The following SOS1 variants were observed in gnomAD, a reference collection of about 807,000 sequenced individuals.
The protein encoded by SOS1 is SOS Ras/Rac guanine nucleotide exchange factor 1, also known as son of sevenless homolog 1.
A neutral mutation model predicts 157.6 loss-of-function variants in SOS1; 25 were observed. That is an observed-to-expected ratio of 0.16 (90% CI 0.12 to 0.22). SOS1 has a LOEUF of 0.22. SOS1 is among the 10% of genes least tolerant of loss of function. The pLI is 1.00. For missense variants in SOS1, 1,237 were observed against 1,599.1 expected, an observed-to-expected ratio of 0.77 and a Z score of 3.86; for synonymous variants, 528 against 534.0, an observed-to-expected ratio of 0.99 and a Z score of 0.16.
chr2:39,119,824 A>G (rs2148241819), intron 1 of SOS1, among the ~76,000 whole-genome samples: 1 of 152,288 alleles, frequency 6.6e-6, no homozygotes, highest in East Asian at 1.9e-4. Flanking sequence ...AGCGGGGGAA[A>G]CCAGGAGAAT....
intron 2 of SOS1, among the ~76,000 whole-genome samples, chr2:39,064,431 G>A (rs995261639): frequency 9.2e-5 from 14 of 152,036 alleles, no homozygotes; most frequent in Non-Finnish European, 1.8e-4. Context: ...CTTTTATCAG[G>A]AAATAATTTT....
intron 2 of SOS1, among the ~76,000 whole-genome samples, chr2:39,064,274 T>G (rs180999721): frequency 1.3e-5 from 2 of 152,328 alleles, no homozygotes; most frequent in Admixed American, 1.3e-4. Flanking sequence ...CACATAGTTA[T>G]TTTTGTGGTG....
rs1320744145 is a variant in SOS1, at chr2:39,120,572, G to A, written c.-150C>T. The stretch of plus-strand genomic sequence containing the variant: ...GGCGCCGCGCAGCCGGGCTAGCCCT[G>A]GCGAGGGGGCTGGGGGGCGAGGCCC... On this transcript the variant is annotated 5_prime_UTR_variant, in exon 1 of 23. An upstream open reading frame in the 5' UTR gains an earlier in-frame stop. Coordinates refer to ENST00000402219, the MANE Select transcript of SOS1 (RefSeq NM_005633.4). The A allele has an allele frequency of 2.2e-6, 2 of 926,006 alleles. No individual in the cohort carries two copies. The highest frequency in any genetic ancestry group is 1.3e-6 in the Non-Finnish European group (1 of 765,542). The allele number at this position is 926,006 out of a possible 1,614,324, so 57.4% of individuals were successfully genotyped here. A position where few individuals can be genotyped will look rare whatever the true frequency, so the allele number is the denominator to read the frequency against.
At chr2:39,044,293 A>G (rs1470614535) in intron 6 of SOS1, among the ~76,000 whole-genome samples, 1 of 152,212 alleles carries the variant, frequency 6.6e-6, no homozygotes, top group Non-Finnish European at 1.5e-5. Flanking sequence ...CGGAGGTTGC[A>G]GTGAGCCAAG....
chr2:38,989,836 T>C (rs755794922), intron 20 of SOS1, among the ~76,000 whole-genome samples: 5 of 152,112 alleles, frequency 3.3e-5, no homozygotes, highest in African/African-American at 4.8e-5. Context: ...TTTTTCCTTT[T>C]ATAGTCATAA....
chr2:39,051,701 AT>A (rs979690772), intron 5 of SOS1, among the ~76,000 whole-genome samples: 2 of 152,044 alleles, frequency 1.3e-5, no homozygotes, highest in African/African-American at 4.8e-5. Flanking sequence ...AAGTAACCAA[AT>A]TTTTTTTAAG....
intron 1 of SOS1, among the ~76,000 whole-genome samples, chr2:39,107,789 A>T (rs1673255758): frequency 6.6e-6 from 1 of 152,212 alleles, no homozygotes; most frequent in Non-Finnish European, 1.5e-5. Flanking sequence ...GGTACTAAGA[A>T]TATGAAGAGA....
chr2:39,058,021 A>G (rs1671270883), intron 3 of SOS1, among the ~76,000 whole-genome samples: 1 of 152,088 alleles, frequency 6.6e-6, no homozygotes, highest in South Asian at 2.1e-4. Flanking sequence ...CAATGTATAC[A>G]AGTATTAGCA....
At chr2:38,988,100 T>TCA (rs1181927463) in intron 21 of SOS1, among the ~76,000 whole-genome samples, 3 of 152,300 alleles carry the variant, frequency 2.0e-5, no homozygotes, top group African/African-American at 7.2e-5. Context: ...AGGGAAAGAA[T>TCA]CATAGTGTCT....
At chr2:39,029,153 G>A (rs1025950787) in intron 8 of SOS1, among the ~76,000 whole-genome samples, 4 of 152,138 alleles carry the variant, frequency 2.6e-5, no homozygotes, top group African/African-American at 9.7e-5. Context: ...TATGGGTGGA[G>A]AAGATGAAAT....
chr2:39,017,612 A>C (rs553126970), intron 10 of SOS1, among the ~76,000 whole-genome samples: 1 of 152,186 alleles, frequency 6.6e-6, no homozygotes, highest in Admixed American at 6.6e-5. Flanking sequence ...AAAGCAGCAG[A>C]AACTAAAAAC....
In SOS1 at chr2:39,013,710, G is replaced by T. The variant is rs1669538078; in HGVS notation, c.2064-147C>A. ...AACACTTCCAAAATTCTATGTTAAG[G>T]CTTATACTATAATTTCTGATAACTG... On this transcript the variant is annotated intron_variant, in intron 12 of 22. Coordinates refer to ENST00000402219, the MANE Select transcript of SOS1 (RefSeq NM_005633.4). 3.4e-6 allele frequency: 3 copies of T among 879,552 alleles called. No homozygotes were observed. In the Admixed American group the frequency reaches 5.9e-5, roughly 17 times the overall value. 54.5% of individuals were successfully genotyped at this position (879,552 alleles called of 1,614,324 possible).
chr2:39,084,481 G>C (rs1243865578), intron 1 of SOS1, among the ~76,000 whole-genome samples: 1 of 152,010 alleles, frequency 6.6e-6, no homozygotes, highest in Non-Finnish European at 1.5e-5. Context: ...GTTATAAATG[G>C]TCCTGGGCAA....
chr2:38,995,090 ATACCT>A (rs779858984), intron 20 of SOS1, 28 bp downstream of exon 20: 8 of 1,596,608 alleles, frequency 5.0e-6, no homozygotes, highest in Non-Finnish European at 6.0e-6. Context: ...GTACTAACAA[ATACCT>A]TAATGCACTT....
chr2:39,030,269 G>T (rs1027087874), intron 8 of SOS1, among the ~76,000 whole-genome samples: 1 of 144,786 alleles, frequency 6.9e-6, no homozygotes, highest in Non-Finnish European at 1.5e-5. Context: ...AAGCGAAAGA[G>T]GGGGAAAGAA....
chr2:39,073,650 T>C (rs1258226579), intron 1 of SOS1, among the ~76,000 whole-genome samples: 1 of 152,244 alleles, frequency 6.6e-6, no homozygotes, highest in African/African-American at 2.4e-5. Flanking sequence ...TATTGGCTAT[T>C]ATTGCCAGGT....
intron 1 of SOS1, among the ~76,000 whole-genome samples, chr2:39,113,017 C>T (rs1673497626): frequency 6.8e-6 from 1 of 148,072 alleles, no homozygotes; most frequent in South Asian, 2.1e-4. Flanking sequence ...GCCTGGGCGA[C>T]AAGAGCAAGA....
At chr2:39,079,340 GTTCA>G (rs1387941452) in intron 1 of SOS1, among the ~76,000 whole-genome samples, 6 of 151,946 alleles carry the variant, frequency 3.9e-5, no homozygotes, top group Non-Finnish European at 7.4e-5. Context: ...ACCAAACTAT[GTTCA>G]TTGTTTATTA....
chr2:39,079,162 T>C (rs969647491), intron 1 of SOS1, among the ~76,000 whole-genome samples: 3 of 1,306 alleles, frequency 2.3e-3, no homozygotes, highest in South Asian at 7.6e-3. Flanking sequence ...TAACAATACA[T>C]TGCAGTAGAT....
Sources: gnomAD v4.1 joint callset for allele counts (sites outside exome capture counted in the v4.1 genomes callset) on GRCh38, gnomAD v4.1.1 for gene constraint, MANE v1.5 for transcripts, NCBI Gene and HGNC (gene_info 2026-07-23, HGNC 2026-07-21) for gene names.